SELP: variants seen among roughly 807,000 people sequenced by gnomAD.
SELP encodes selectin P.
A neutral mutation model predicts 104.1 loss-of-function variants in SELP; 92 were observed. That is an observed-to-expected ratio of 0.88 (90% confidence interval 0.75 to 1.05). The LOEUF is 1.05. Ranked by LOEUF, SELP falls within the 50% of genes least tolerant of loss-of-function variation. SELP has a pLI of 0.00. For missense variants in SELP, 1,022 were observed against 1,017.3 expected (o/e 1.00, Z -0.06); for synonymous variants, 397 against 364.5 (o/e 1.09, Z -1.01).
At position 169,617,316 on chromosome 1, in the gene SELP, T is replaced by C. The variant is rs1364446951; in HGVS notation, c.193A>G (p.Thr65Ala). The change falls in exon 3 of 17, where the codon ACA (threonine) becomes GCA (alanine). Residue 65 changes from threonine (T) to alanine (A), a missense_variant. Physicochemically the swap from Thr to Ala is moderately conservative, Grantham distance 58. Transcript: ENST00000263686. ...ISRKYCQNRY[T>A]DLVAIQNKNE... ...TTATTCTGGATGGCCACTAAGTCTG[T>C]GTAGCGATTCTGGCAGTATTTACGG... 3 of 1,614,194 alleles carry C rather than the reference T, an allele frequency of 1.9e-6. No homozygotes were observed. The highest frequency in any genetic ancestry group is 1.7e-5 in the Admixed American group (1 of 60,016).
At chr1:169,617,477 A>C (rs1267060653) in intron 2 of SELP, 63 bp from the exon 3 acceptor site, 2 of 1,529,744 alleles carry the variant, frequency 1.3e-6, no homozygotes, top group Non-Finnish European at 1.8e-6. Context: ...CCGTGATCCC[A>C]AGTATGCTTC....
intron 1 of SELP, among the ~76,000 whole-genome samples, chr1:169,622,081 A>G (rs1663163830): frequency 3.9e-5 from 6 of 152,232 alleles, no homozygotes; most frequent in Admixed American, 3.9e-4. Context: ...CTCCCACTTT[A>G]TAAGAGAAAA....
chr1:169,590,003 C>T, intron 16 of SELP, 144 bp downstream of exon 16: 1 of 607,292 alleles, frequency 1.6e-6, no homozygotes, highest in Non-Finnish European at 2.9e-6. Flanking sequence ...TGTCCTACTG[C>T]CAACACAATT....
chr1:169,608,824 T>C (rs113281806), intron 8 of SELP, among the ~76,000 whole-genome samples: 84 of 152,258 alleles, frequency 5.5e-4, no homozygotes, highest in Middle Eastern at 6.8e-3. Flanking sequence ...TTCTGGAACA[T>C]GACTTTAGTG....
chr1:169,617,098 C>G lies in SELP; in HGVS notation c.411G>C (p.Lys137Asn), dbSNP rs201933810. 63 of 1,613,966 alleles carry G rather than the reference C, an allele frequency of 3.9e-5. No homozygotes were observed. Among genetic ancestry groups the G allele is most frequent in the Non-Finnish European group, 5.1e-5 (60 of 1,179,990 alleles). Reference sequence around the variant, plus strand: ...TCCACTTGCCAGGGGCTGACGGACTCTTGATGTATATCTCCACGCAGTCCT... The same window carrying G: ...TCCACTTGCCAGGGGCTGACGGACTGTTGATGTATATCTCCACGCAGTCCT... ...NNEDCVEIYI[K>N]SPSAPGKWND... The change falls in exon 3 of 17, where the codon AAG (lysine) becomes AAC (asparagine). Residue 137 changes from lysine to asparagine, a missense_variant. Coordinates refer to ENST00000263686, the MANE Select transcript of SELP (RefSeq NM_003005.4).
At chr1:169,614,318 T>C (rs3917868) in intron 3 of SELP, among the ~76,000 whole-genome samples, 10 of 152,322 alleles carry the variant, frequency 6.6e-5, no homozygotes, top group Non-Finnish European at 1.5e-4. Flanking sequence ...AACAATCTTA[T>C]GAGGTGATGT....
chr1:169,605,716 G>A (rs754205492), intron 9 of SELP, among the ~76,000 whole-genome samples: 21 of 152,086 alleles, frequency 1.4e-4, no homozygotes, highest in African/African-American at 3.1e-4. Context: ...GAGGAAAAGC[G>A]GAGAAAATAT....
chr1:169,610,908 G>A (rs1389018822), intron 7 of SELP, among the ~76,000 whole-genome samples: 1 of 152,166 alleles, frequency 6.6e-6, no homozygotes, highest in East Asian at 1.9e-4. Flanking sequence ...CTTCTCTAAA[G>A]TCTCATAGCT....
Position 169,593,632 on chromosome 1 carries a change from A to G in SELP, c.2380T>C (p.Leu794=). ...GLIMGGTLLA[L]LRKRFRQKDD... ...TTTTGTCTGAAACGCTTTCTTAGCA[A>G]AGCCAGGAGCGTCCCACCCATTATC... Residue 794 remains leucine, a synonymous_variant, in exon 14 of 17, where the codon TTG becomes CTG. Transcript: ENST00000263686. 1 of 1,613,388 alleles carries G rather than the reference A, an allele frequency of 6.2e-7. No individual in the cohort carries two copies. The highest frequency in any genetic ancestry group is 1.3e-5 in the African/African-American group (1 of 75,014).
chr1:169,616,341 A>G (rs1169301341), intron 3 of SELP, among the ~76,000 whole-genome samples: 1 of 152,162 alleles, frequency 6.6e-6, no homozygotes, highest in African/African-American at 2.4e-5. Context: ...TTACATGGCT[A>G]AAAAACACCA....
intron 7 of SELP, among the ~76,000 whole-genome samples, chr1:169,610,140 C>T (rs3917739): frequency 0.68 from 103,245 of 151,440 alleles, 35,972 homozygotes; most frequent in African/African-American, 0.83. Flanking sequence ...TGAAATTGAA[C>T]CTGAAAAGAG....
chr1:169,621,029 C>A (rs1484117663), intron 1 of SELP, among the ~76,000 whole-genome samples: 1 of 45,944 alleles, frequency 2.2e-5, no homozygotes, highest in Non-Finnish European at 4.3e-5. Context: ...GTGTGGGGTT[C>A]TGTGTGTATG....
rs561516969 is a variant in SELP at position 169,621,499 on chromosome 1, C to G, written c.4-2280G>C. Among the ~76,000 whole-genome samples, 7 of 143,962 alleles carry G rather than the reference C, an allele frequency of 4.9e-5. 1 individual carries two copies. The South Asian group carries it at 1.6e-3, about 32-fold the overall frequency. The allele number at this position is 143,962 out of a possible 152,430, so 94.4% of individuals were successfully genotyped here. ...GATGGATTATGTAGGGTGCATGGGA[C>G]AGTGTGGGGTTGTGTATGTGTCACG... On this transcript the variant is annotated intron_variant, in intron 1 of 16. Transcript: ENST00000263686.
Position 169,603,034 on chromosome 1 carries a change from A to G in SELP, c.1697T>C (p.Met566Thr). ...RSGRWTDSPP[M>T]CEAIKCPELF... The stretch of plus-strand genomic sequence containing the variant: ...ACAGACCCACAGCCTACCTTCACAC[A>G]TTGGTGGGGAGTCTGTCCAGCGTCC... The change falls in exon 10 of 17, where the codon ATG becomes ACG. Residue 566 changes from methionine to threonine, a missense_variant. Physicochemically the swap from Met to Thr is moderately conservative, Grantham distance 81. Transcript: ENST00000263686. The G allele has an allele frequency of 6.2e-7, 1 of 1,611,790 alleles. No homozygotes were observed. The highest frequency in any genetic ancestry group is 8.5e-7 in the Non-Finnish European group (1 of 1,178,282).
intron 1 of SELP, among the ~76,000 whole-genome samples, chr1:169,622,004 C>T (rs1663159789): frequency 6.6e-6 from 1 of 152,206 alleles, no homozygotes; most frequent in Non-Finnish European, 1.5e-5. Flanking sequence ...TTAATTAAAT[C>T]TGTATTCAGA....
chr1:169,595,139 A>G (rs980113539), intron 12 of SELP, among the ~76,000 whole-genome samples: 5 of 152,206 alleles, frequency 3.3e-5, no homozygotes, highest in Non-Finnish European at 7.3e-5. Flanking sequence ...ATGCATTGAT[A>G]AATCTTGCCT....
intron 10 of SELP, among the ~76,000 whole-genome samples, chr1:169,598,058 C>G (rs1218327091): frequency 6.6e-6 from 1 of 152,196 alleles, no homozygotes; most frequent in African/African-American, 2.4e-5. Context: ...TCTTCCATAA[C>G]TCCCATCCCA....
intron 16 of SELP, among the ~76,000 whole-genome samples, chr1:169,589,818 T>C (rs1239763253): frequency 6.6e-6 from 1 of 152,208 alleles, no homozygotes; most frequent in Non-Finnish European, 1.5e-5. Context: ...TTCGTAAACA[T>C]TTTTCAGCAG....
chr1:169,615,061 T>C (rs1662739200), intron 3 of SELP, among the ~76,000 whole-genome samples: 1 of 152,230 alleles, frequency 6.6e-6, no homozygotes, highest in African/African-American at 2.4e-5. Flanking sequence ...CCTGAATAGA[T>C]AGGTTAGCAA....
Sources: gnomAD v4.1 joint callset for allele counts (sites outside exome capture counted in the v4.1 genomes callset) on GRCh38, gnomAD v4.1.1 for gene constraint, MANE v1.5 for transcripts, NCBI Gene and HGNC (gene_info 2026-07-23, HGNC 2026-07-21) for gene names.